Variants in IZUMO1R observed in about 807,000 individuals in gnomAD.
IZUMO1R encodes the protein IZUMO1 receptor, JUNO.
A neutral mutation model predicts 22.1 loss-of-function variants in IZUMO1R; 24 were observed. That is an observed-to-expected ratio of 1.09 (90% CI 0.79 to 1.53). The LOEUF is 1.53. IZUMO1R is among the 40% of genes most tolerant of loss of function. IZUMO1R has a pLI of 0.00. For missense variants in IZUMO1R, 308 were observed against 314.9 expected (o/e 0.98, Z 0.17); for synonymous variants, 133 against 121.2 (o/e 1.10, Z -0.64).
In IZUMO1R at chr11:94,307,584, G is replaced by C. The variant is rs1944035995; in HGVS notation, c.645G>C (p.Gln215His). 1 of 1,613,752 alleles carries C rather than the reference G, an allele frequency of 6.2e-7. No individual in the cohort carries two copies. Among genetic ancestry groups the C allele is most frequent in the African/African-American group, 1.3e-5 (1 of 74,938 alleles). Residue 215 changes from glutamine to histidine, a missense_variant, in exon 5 of 5, where the codon CAG becomes CAC. Physicochemically the swap from Gln to His is conservative, Grantham distance 24. Coordinates refer to ENST00000687084, the MANE Select transcript of IZUMO1R (RefSeq NM_001199206.4). ...TCCAGAAGTGGTTTGAGCCTGCTCA[G>C]GGCAACCCCAATGTGGCCGTGGCCC... is the stretch of plus-strand genomic sequence containing the variant. ...RCLQKWFEPA[Q>H]GNPNVAVARL... is the part of the protein sequence containing the mutation.
In IZUMO1R at chr11:94,304,816, C is replaced by A. The variant is rs1257482258; in HGVS notation, c.-70C>A. Among the ~76,000 whole-genome samples, 1 of 152,138 alleles carries A rather than the reference C, an allele frequency of 6.6e-6. No homozygotes were observed. The highest frequency in any genetic ancestry group is 1.5e-5 in the Non-Finnish European group (1 of 68,020). Reference sequence around the variant, plus strand: ...AATAAATGGGCGGGACATGGAACTCCCCTCAGCCTCATAGTCTCAGGGGGA... The same window carrying A: ...AATAAATGGGCGGGACATGGAACTCACCTCAGCCTCATAGTCTCAGGGGGA... On this transcript the variant is annotated 5_prime_UTR_variant, in exon 1 of 5. Transcript: ENST00000687084.
chr11:94,306,419 A>G, intron 2 of IZUMO1R, 94 bp from the exon 3 acceptor site: 1 of 1,218,210 alleles, frequency 8.2e-7, no homozygotes, highest in East Asian at 2.3e-5. Flanking sequence ...CAGGCCTCCT[A>G]AGGGACATTT....
At chr11:94,305,870 G>A in intron 2 of IZUMO1R, 96 bp downstream of exon 2, 2 of 1,416,038 alleles carry the variant, frequency 1.4e-6, no homozygotes, top group East Asian at 2.5e-5. Flanking sequence ...TGATCATTTG[G>A]TTCCTGGGGT....
At position 94,304,739 on chromosome 11, in the gene IZUMO1R, G is replaced by A. The variant is rs1043847129; in HGVS notation, c.-147G>A. Among the ~76,000 whole-genome samples the A allele has an allele frequency of 6.6e-6, 1 of 152,072 alleles. No individual in the cohort carries two copies. The highest frequency in any genetic ancestry group is 1.5e-5 in the Non-Finnish European group (1 of 68,012). ...GTGAGACAGATGCTGTTTAATGAGA[G>A]CCACGTGGAGTTCTCCTCCTGCACC... On this transcript the variant is annotated 5_prime_UTR_variant, in exon 1 of 5. Coordinates refer to ENST00000687084, the MANE Select transcript of IZUMO1R (RefSeq NM_001199206.4).
intron 1 of IZUMO1R, 52 bp from the exon 2 acceptor site, chr11:94,305,579 G>T: frequency 1.3e-6 from 2 of 1,599,732 alleles, no homozygotes; most frequent in Non-Finnish European, 8.5e-7. Flanking sequence ...TGATGAAGGG[G>T]GTGGAGTGGG....
chr11:94,306,744 T>C (rs781698320), intron 3 of IZUMO1R, 22 bp downstream of exon 3: 6 of 1,608,736 alleles, frequency 3.7e-6, no homozygotes, highest in Non-Finnish European at 5.1e-6. Flanking sequence ...ATCTGTGCCA[T>C]GCCCTGTTAT....
At position 94,305,604 on chromosome 11, in the gene IZUMO1R, A is replaced by G. The variant is rs1944006905; in HGVS notation, c.-6-27A>G. The G allele has an allele frequency of 2.5e-6, 4 of 1,609,284 alleles. No homozygotes were observed. The Admixed American group carries it at 6.7e-5, about 27-fold the overall frequency. On this transcript the variant is annotated intron_variant, in intron 1 of 4. Transcript: ENST00000687084. ...GGTGGAGTGGGGTGTCATTTCCATC[A>G]AGTGTGCAGCATGGGTCTCTCTGTA...
In IZUMO1R at chr11:94,307,500, G is replaced by A; in HGVS notation, c.561G>A (p.Glu187=). 6.2e-7 allele frequency: 1 copy of A among 1,613,818 alleles called. No homozygotes were observed. The highest frequency in any genetic ancestry group is 8.5e-7 in the Non-Finnish European group (1 of 1,179,890). The change falls in exon 5 of 5, where the codon GAG becomes GAA. Residue 187 remains glutamate, a synonymous_variant. Transcript: ENST00000687084. The part of the protein sequence containing the change: ...HYFPTPADLC[E]KTWSNSFKAS... ...TCCCCACCCCAGCTGACCTGTGTGA[G>A]AAGACTTGGAGCAATTCCTTCAAAG...
intron 2 of IZUMO1R, among the ~76,000 whole-genome samples, chr11:94,306,172 A>G (rs912589623): frequency 6.6e-6 from 1 of 151,802 alleles, no homozygotes; most frequent in Non-Finnish European, 1.5e-5. Context: ...AGACCCTCCC[A>G]CCCAATGCAA....
chr11:94,306,856 A>C, intron 3 of IZUMO1R, 134 bp downstream of exon 3: 1 of 927,652 alleles, frequency 1.1e-6, no homozygotes, highest in Non-Finnish European at 1.6e-6. Flanking sequence ...GCAGAGCCAG[A>C]GGCCCCTGCT....
chr11:94,307,400 C>A (rs555579957), intron 4 of IZUMO1R, 24 bp from the exon 5 acceptor site: 1 of 1,613,056 alleles, frequency 6.2e-7, no homozygotes. Flanking sequence ...AGGAGGTAAG[C>A]TGTCCCTCCT....
chr11:94,305,750 C>T lies in IZUMO1R; in HGVS notation c.114C>T (p.Ser38=). Residue 38 remains serine (S), a synonymous_variant, in exon 2 of 5, where the codon AGC becomes AGT. Transcript: ENST00000687084. Reference sequence around the variant, plus strand: ...CCAAACACCACAAGAGAGTGCCCAGCCCAGAAGACAAGCTCTATGAGGAGG... The same window carrying T: ...CCAAACACCACAAGAGAGTGCCCAGTCCAGAAGACAAGCTCTATGAGGAGG... ...MNAKHHKRVP[S]PEDKLYEECI... 6.2e-7 allele frequency: 1 copy of T among 1,613,068 alleles called. No individual in the cohort carries two copies. The highest frequency in any genetic ancestry group is 8.5e-7 in the Non-Finnish European group (1 of 1,179,646).
At chr11:94,305,858 C>T (rs180748961) in intron 2 of IZUMO1R, 84 bp downstream of exon 2, 7 of 1,482,022 alleles carry the variant, frequency 4.7e-6, no homozygotes, top group Non-Finnish European at 6.4e-6. Context: ...CCTCATCAAC[C>T]CTGATCATTT....
At chr11:94,305,868 T>G in intron 2 of IZUMO1R, 94 bp downstream of exon 2, 1 of 1,438,956 alleles carries the variant, frequency 6.9e-7, no homozygotes, top group South Asian at 1.3e-5. Flanking sequence ...CCTGATCATT[T>G]GGTTCCTGGG....
chr11:94,305,509 CAG>C lies in IZUMO1R; in HGVS notation c.-6-119_-6-118del, dbSNP rs1257445776. ...TCCAAAAGAAGGTCCTAGGAGCAGC[CAG>C]AGTGTTGCAATTATTTGAGGGAGAT... On this transcript the variant is annotated intron_variant, in intron 1 of 4. Transcript: ENST00000687084. 3 of 1,188,810 alleles carry C rather than the reference CAG, an allele frequency of 2.5e-6. No individual in the cohort carries two copies. In the African/African-American group the frequency reaches 4.6e-5, roughly 18 times the overall value. 73.6% of individuals were successfully genotyped at this position (1,188,810 alleles called of 1,614,324 possible). A position where few individuals can be genotyped will look rare whatever the true frequency, so the allele number is the denominator to read the frequency against.
In IZUMO1R at chr11:94,304,619, G is replaced by A. The variant is rs1012106916; in HGVS notation, c.-267G>A. ...AGTAGCAGAGCTGACAGCCGAACCC[G>A]GTAACTTATTGTAGAGCCCCGGATC... On this transcript the variant is annotated 5_prime_UTR_variant, in exon 1 of 5. Coordinates refer to ENST00000687084, the MANE Select transcript of IZUMO1R (RefSeq NM_001199206.4). Among the ~76,000 whole-genome samples the A allele has an allele frequency of 2.0e-5, 3 of 152,104 alleles. No individual in the cohort carries two copies. Among genetic ancestry groups the A allele is most frequent in the Admixed American group, 6.5e-5 (1 of 15,276 alleles).
chr11:94,306,832 C>A, intron 3 of IZUMO1R, 110 bp downstream of exon 3: 2 of 1,137,034 alleles, frequency 1.8e-6, no homozygotes, highest in Non-Finnish European at 2.5e-6. Context: ...GGTGTTATTT[C>A]CCTATGGACA....
In IZUMO1R at chr11:94,307,718, C is replaced by T; in HGVS notation, c.*26C>T. On this transcript the variant is annotated 3_prime_UTR_variant, in exon 5 of 5. Transcript: ENST00000687084. ...GAGCCCTTCTTCTCCCACTCACATT[C>T]CTGCATGTCCACCAACTGTGGGTCA... 1 of 1,607,248 alleles carries T rather than the reference C, an allele frequency of 6.2e-7. No homozygotes were observed. The highest frequency in any genetic ancestry group is 8.5e-7 in the Non-Finnish European group (1 of 1,174,956).
At position 94,307,487 on chromosome 11, in the gene IZUMO1R, C is replaced by A. The variant is rs1409401451; in HGVS notation, c.548C>A (p.Ala183Asp). 1 of 1,613,910 alleles carries A rather than the reference C, an allele frequency of 6.2e-7. No individual in the cohort carries two copies. The highest frequency in any genetic ancestry group is 2.2e-5 in the East Asian group (1 of 44,862). ...LPFSHYFPTP[A>D]DLCEKTWSNS... Reference sequence around the variant, plus strand: ...TTCTCCCATTACTTCCCCACCCCAGCTGACCTGTGTGAGAAGACTTGGAGC... The same window carrying A: ...TTCTCCCATTACTTCCCCACCCCAGATGACCTGTGTGAGAAGACTTGGAGC... The change falls in exon 5 of 5, where the codon GCT (alanine) becomes GAT (aspartate). Residue 183 changes from alanine to aspartate, a missense_variant. Ala to Asp is a moderately radical substitution (Grantham distance 126). Coordinates refer to ENST00000687084, the MANE Select transcript of IZUMO1R (RefSeq NM_001199206.4).
Sources: allele counts gnomAD v4.1 joint callset (sites outside exome capture counted in the v4.1 genomes callset), GRCh38; gene constraint gnomAD v4.1.1; transcripts MANE v1.5; gene names NCBI Gene and HGNC (gene_info 2026-07-23, HGNC 2026-07-21).